The following APBA2 variants were observed in gnomAD, a reference collection of about 807,000 sequenced individuals.
APBA2 encodes the protein amyloid beta precursor protein binding family A member 2.
Under a neutral mutation model 75.0 loss-of-function variants are expected in APBA2, and 30 were observed. The observed-to-expected ratio is 0.40, with a 90% CI of 0.30 to 0.54. The LOEUF (loss-of-function observed/expected upper bound fraction) is 0.54. APBA2 is among the 20% of genes least tolerant of loss of function. APBA2 has a pLI of 0.49. For missense variants in APBA2, 801 were observed against 1,016.1 expected (o/e 0.79, Z 2.88); for synonymous variants, 444 against 409.6 (o/e 1.08, Z -1.01).
chr15:29,078,514 G>A (rs1466424036), intron 6 of APBA2, among the ~76,000 whole-genome samples: 3 of 151,840 alleles, frequency 2.0e-5, no homozygotes, highest in Non-Finnish European at 4.4e-5. Context: ...GGGAGGCTGA[G>A]GCAGGAGAAT....
At chr15:29,039,111 G>GTGTGTGTA (rs2040899223) in intron 3 of APBA2, among the ~76,000 whole-genome samples, 1 of 112,628 alleles carries the variant, frequency 8.9e-6, no homozygotes, top group Admixed American at 8.2e-5. Context: ...GTGTGTGTGT[G>GTGTGTGTA]TGTGTGTGTG....
At chr15:28,936,530 G>A (rs1595500988) in intron 2 of APBA2, among the ~76,000 whole-genome samples, 1 of 152,014 alleles carries the variant, frequency 6.6e-6, no homozygotes, top group African/African-American at 2.4e-5. Context: ...TTTCGCAGAA[G>A]TGATAGCAGC....
chr15:29,013,434 C>G (rs532025755), intron 3 of APBA2, among the ~76,000 whole-genome samples: 2 of 152,024 alleles, frequency 1.3e-5, no homozygotes, highest in African/African-American at 4.8e-5. Context: ...CGCCCGCCAC[C>G]GCGCCTGGCC....
intron 2 of APBA2, among the ~76,000 whole-genome samples, chr15:28,930,540 C>G (rs543133019): frequency 6.6e-6 from 1 of 152,300 alleles, no homozygotes; most frequent in East Asian, 1.9e-4. Flanking sequence ...TGGAGCCTGA[C>G]CTGTCTTGGA....
intron 1 of APBA2, among the ~76,000 whole-genome samples, chr15:28,915,115 C>G: frequency 7.7e-6 from 1 of 130,076 alleles, no homozygotes; most frequent in South Asian, 2.8e-4. Flanking sequence ...ACCTCACACA[C>G]ACCACACACT....
intron 2 of APBA2, among the ~76,000 whole-genome samples, chr15:28,948,266 G>A (rs559093719): frequency 5.6e-4 from 85 of 152,192 alleles, no homozygotes; most frequent in Non-Finnish European, 8.2e-4. Context: ...AGGCCACGGC[G>A]CTTTCTTTCT....
intron 7 of APBA2, 141 bp from the exon 8 acceptor site, chr15:29,094,137 A>G (rs2043725463): frequency 2.3e-6 from 2 of 851,480 alleles, no homozygotes; most frequent in Non-Finnish European, 2.0e-6. Flanking sequence ...GAAGTGGGCA[A>G]TGGCTGTCCA....
chr15:28,926,878 A>G (rs1462911079), intron 2 of APBA2, among the ~76,000 whole-genome samples: 1 of 131,014 alleles, frequency 7.6e-6, no homozygotes, highest in Non-Finnish European at 1.5e-5. Context: ...TTTTTTTGAG[A>G]CAGAGTCTCG....
At chr15:29,108,590 G>A in intron 13 of APBA2, 1 of 781,878 alleles carries the variant, frequency 1.3e-6, no homozygotes, top group African/African-American at 1.7e-5. Context: ...GGAGGGCCAG[G>A]GCATGGCCGT....
chr15:29,043,377 G>A (rs2041148361), intron 3 of APBA2, among the ~76,000 whole-genome samples: 1 of 152,194 alleles, frequency 6.6e-6, no homozygotes, highest in Non-Finnish European at 1.5e-5. Flanking sequence ...AAGGGCTGCT[G>A]AGACTTAACA....
chr15:29,090,381 C>G (rs550370207), intron 6 of APBA2, among the ~76,000 whole-genome samples: 44 of 152,374 alleles, frequency 2.9e-4, no homozygotes, highest in African/African-American at 1.0e-3. Flanking sequence ...CGAGGCCAGT[C>G]TTTCCCAAAT....
At chr15:29,023,965 A>G (rs1354230493) in intron 3 of APBA2, among the ~76,000 whole-genome samples, 2 of 147,346 alleles carry the variant, frequency 1.4e-5, no homozygotes, top group African/African-American at 2.5e-5. Context: ...GTACAGTGGC[A>G]TGATCTCGGC....
intron 2 of APBA2, among the ~76,000 whole-genome samples, chr15:28,993,247 G>T (rs1392988871): frequency 6.6e-6 from 1 of 152,214 alleles, no homozygotes; most frequent in Non-Finnish European, 1.5e-5. Flanking sequence ...TTTCAGGGGA[G>T]CCCTCTGTCC....
At chr15:28,936,910 C>T (rs2034907944) in intron 2 of APBA2, among the ~76,000 whole-genome samples, 1 of 152,186 alleles carries the variant, frequency 6.6e-6, no homozygotes, top group Admixed American at 6.5e-5. Flanking sequence ...AGATGGTGGC[C>T]TCTACCGGGA....
At chr15:28,924,039 C>T (rs527933510) in intron 2 of APBA2, among the ~76,000 whole-genome samples, 2 of 152,322 alleles carry the variant, frequency 1.3e-5, no homozygotes, top group Non-Finnish European at 2.9e-5. Context: ...ACCTGGCCAC[C>T]CTTAAGCCTG....
chr15:29,040,898 C>T (rs2041004264), intron 3 of APBA2, among the ~76,000 whole-genome samples: 2 of 151,952 alleles, frequency 1.3e-5, no homozygotes, highest in African/African-American at 4.8e-5. Flanking sequence ...TAACAAATGT[C>T]AACCCTGAGA....
Position 28,918,946 on chromosome 15 carries a change from G to T in APBA2, c.-204-2694G>T, listed in dbSNP as rs913263557. On this transcript the variant is annotated intron_variant, in intron 1 of 14. Coordinates refer to ENST00000683413, the MANE Select transcript of APBA2 (RefSeq NM_001353788.2). This position sits in a 1 kb window ranked among gnomAD's most constrained non-coding sequence, Gnocchi z 4.2. Reference sequence around the variant, plus strand: ...GCTATCTTGGCTCACTGCAAGCTCCGCCTCCAGGGTTCACGCCATTCTCCT... The same window carrying T: ...GCTATCTTGGCTCACTGCAAGCTCCTCCTCCAGGGTTCACGCCATTCTCCT... Among the ~76,000 whole-genome samples the T allele has an allele frequency of 6.6e-6, 1 of 151,698 alleles. No homozygotes were observed. The highest frequency in any genetic ancestry group is 2.4e-5 in the African/African-American group (1 of 41,264).
At chr15:29,004,947 T>A (rs1566897054) in intron 3 of APBA2, among the ~76,000 whole-genome samples, 4 of 152,228 alleles carry the variant, frequency 2.6e-5, no homozygotes, top group South Asian at 4.1e-4. Context: ...CTCAAAGTGC[T>A]GGGGTTACAG....
At chr15:28,895,969 C>T (rs1328502066) in intron 1 of APBA2, among the ~76,000 whole-genome samples, 1 of 152,058 alleles carries the variant, frequency 6.6e-6, no homozygotes, top group Non-Finnish European at 1.5e-5. Flanking sequence ...AAAAGTTAGT[C>T]GGATGTGGTG....
Sources: allele counts gnomAD v4.1 joint callset (sites outside exome capture counted in the v4.1 genomes callset), GRCh38; gene constraint gnomAD v4.1.1; non-coding constraint Gnocchi (gnomAD v3.1); transcripts MANE v1.5; gene names NCBI Gene and HGNC (gene_info 2026-07-23, HGNC 2026-07-21).